Variants in PLEKHM3 observed in about 807,000 individuals in gnomAD.
PLEKHM3 encodes the protein pleckstrin homology domain-containing family M member 3.
A neutral mutation model predicts 81.8 loss-of-function variants in PLEKHM3; 45 were observed. The observed-to-expected ratio is 0.55, with a 90% CI of 0.43 to 0.71. The LOEUF (loss-of-function observed/expected upper bound fraction) is 0.71. PLEKHM3 is among the 30% of genes least tolerant of loss of function. The probability of loss-of-function intolerance (pLI) is 0.00; values close to 1 mark genes in which losing one functional copy is unlikely to be tolerated. For synonymous variants in PLEKHM3, 352 were observed against 356.4 expected (o/e 0.99, Z 0.14); for missense variants, 788 against 924.3 (o/e 0.85, Z 1.91).
chr2:207,930,703 G>A (rs1352159442), intron 5 of PLEKHM3, among the ~76,000 whole-genome samples: 1 of 152,090 alleles, frequency 6.6e-6, no homozygotes, highest in Non-Finnish European at 1.5e-5. Flanking sequence ...CTTCAGTAAC[G>A]GTGAATGTTA....
chr2:207,861,337 A>G (rs1487156298), intron 6 of PLEKHM3, 75 bp from the exon 7 acceptor site: 4 of 1,439,406 alleles, frequency 2.8e-6, no homozygotes, highest in Non-Finnish European at 3.8e-6. Context: ...AAAGGAAAGG[A>G]ATTCCTTTCC....
intron 1 of PLEKHM3, among the ~76,000 whole-genome samples, chr2:208,013,487 G>A (rs1035453444): frequency 3.3e-5 from 5 of 151,426 alleles, no homozygotes; most frequent in African/African-American, 4.9e-5. Flanking sequence ...CTGCACTCCC[G>A]CCTGGGCAAC....
chr2:207,986,310 G>A (rs1488214237), intron 2 of PLEKHM3, among the ~76,000 whole-genome samples: 1 of 152,192 alleles, frequency 6.6e-6, no homozygotes, highest in Non-Finnish European at 1.5e-5. Context: ...TAAGACTGCA[G>A]TATAACACTC....
At chr2:207,830,399 A>G (rs2092279173) in intron 7 of PLEKHM3, among the ~76,000 whole-genome samples, 1 of 152,018 alleles carries the variant, frequency 6.6e-6, no homozygotes. Context: ...GGATCACCCG[A>G]GGTCAGGAGA....
At chr2:207,861,287 G>A (rs755791889) in intron 6 of PLEKHM3, 25 bp from the exon 7 acceptor site, 21 of 1,611,218 alleles carry the variant, frequency 1.3e-5, no homozygotes, top group Non-Finnish European at 1.8e-5. Flanking sequence ...ATGGGACAGG[G>A]AAGCACATTT....
chr2:207,917,089 T>A (rs996372559), intron 5 of PLEKHM3, among the ~76,000 whole-genome samples: 7 of 152,232 alleles, frequency 4.6e-5, no homozygotes, highest in African/African-American at 1.7e-4. Flanking sequence ...ACCACACTTT[T>A]AGAAGTCATC....
chr2:207,923,880 C>CAT lies in PLEKHM3; in HGVS notation c.1886+7044_1886+7045dup, dbSNP rs1226187210. Among the ~76,000 whole-genome samples, 8 of 56,792 alleles carry CAT rather than the reference C, an allele frequency of 1.4e-4. No homozygotes were observed. The East Asian group carries it at 1.7e-3, about 12-fold the overall frequency. The allele number at this position is 56,792 out of a possible 152,430, so 37.3% of individuals were successfully genotyped here. A position where few individuals can be genotyped will look rare whatever the true frequency, so the allele number is the denominator to read the frequency against. On this transcript the variant is annotated intron_variant, in intron 5 of 7. Coordinates refer to ENST00000427836, the MANE Select transcript of PLEKHM3 (RefSeq NM_001080475.3). Reference sequence around the variant, plus strand: ...GCACACACACACACACACACACACACATATATATATATATATATATATATA... The same window carrying CAT: ...GCACACACACACACACACACACACACATATATATATATATATATATATATATA...
chr2:207,933,028 AT>A (rs1689642669), intron 4 of PLEKHM3, among the ~76,000 whole-genome samples: 1 of 152,030 alleles, frequency 6.6e-6, no homozygotes, highest in Non-Finnish European at 1.5e-5. Flanking sequence ...TAAACTTCTA[AT>A]TTTTTTCCTT....
intron 5 of PLEKHM3, among the ~76,000 whole-genome samples, chr2:207,923,742 G>C (rs1043895591): frequency 8.0e-5 from 12 of 150,408 alleles, no homozygotes; most frequent in Admixed American, 6.6e-4. Context: ...CAAAACTTTT[G>C]GACTATGTCA....
At chr2:208,023,180 T>C (rs899333023) in intron 1 of PLEKHM3, among the ~76,000 whole-genome samples, 3 of 151,964 alleles carry the variant, frequency 2.0e-5, no homozygotes, top group Admixed American at 1.3e-4. Context: ...GGTCTTGCTC[T>C]GTTGCCCAGG....
At chr2:207,996,630 T>C (rs972706879) in intron 2 of PLEKHM3, among the ~76,000 whole-genome samples, 4 of 152,158 alleles carry the variant, frequency 2.6e-5, no homozygotes, top group Admixed American at 1.3e-4. Flanking sequence ...TAAACTCTGG[T>C]GTGAATGACA....
chr2:207,930,781 G>C (rs2105939843), intron 5 of PLEKHM3, 145 bp downstream of exon 5: 2 of 851,670 alleles, frequency 2.3e-6, no homozygotes, highest in Middle Eastern at 3.7e-4. Flanking sequence ...TGAGCCCAGA[G>C]AGAGGCTGGC....
intron 1 of PLEKHM3, among the ~76,000 whole-genome samples, chr2:208,007,000 C>G (rs1692515615): frequency 6.6e-6 from 1 of 152,194 alleles, no homozygotes; most frequent in South Asian, 2.1e-4. Context: ...GAGACAGAAG[C>G]ACTTATGAGT....
At chr2:207,957,845 G>A (rs1690571208) in intron 3 of PLEKHM3, among the ~76,000 whole-genome samples, 1 of 152,220 alleles carries the variant, frequency 6.6e-6, no homozygotes, top group African/African-American at 2.4e-5. Flanking sequence ...GTAGCACAGC[G>A]ATTCTCAACC....
intron 1 of PLEKHM3, among the ~76,000 whole-genome samples, chr2:208,012,044 T>C (rs1203103360): frequency 6.6e-6 from 1 of 151,990 alleles, no homozygotes; most frequent in Non-Finnish European, 1.5e-5. Context: ...CTTTATTTTA[T>C]TTATTTATTG....
chr2:208,015,527 C>A (rs6712527), intron 1 of PLEKHM3, among the ~76,000 whole-genome samples: 8,567 of 152,076 alleles, frequency 0.056, 771 homozygotes, highest in African/African-American at 0.19. Flanking sequence ...AAGTTCTCTA[C>A]GGGAATGGTA....
intron 3 of PLEKHM3, among the ~76,000 whole-genome samples, chr2:207,963,639 A>C (rs1314354614): frequency 2.0e-5 from 3 of 152,148 alleles, no homozygotes; most frequent in African/African-American, 7.2e-5. Flanking sequence ...CAAGTATAAA[A>C]TAAAAATTAG....
chr2:208,001,855 T>C lies in PLEKHM3; in HGVS notation c.-216A>G, dbSNP rs1692317623. ...AGTGGCTAATGGGCATTAACAGATG[T>C]ATAGGGAGACCAAATGTTCCTTTGA... On this transcript the variant is annotated 5_prime_UTR_variant, in exon 2 of 8. The change creates a new upstream start codon in the 5' untranslated region. Transcript: ENST00000427836. 1.6e-6 allele frequency: 1 copy of C among 618,180 alleles called. No homozygotes were observed. 38.3% of individuals were successfully genotyped at this position (618,180 alleles called of 1,614,324 possible).
At chr2:207,910,265 T>C (rs868163017) in intron 5 of PLEKHM3, among the ~76,000 whole-genome samples, 2 of 152,152 alleles carry the variant, frequency 1.3e-5, no homozygotes, top group Non-Finnish European at 2.9e-5. Flanking sequence ...TAGGATTAGC[T>C]TCTCTACAGG....
Sources: allele counts gnomAD v4.1 joint callset (sites outside exome capture counted in the v4.1 genomes callset), GRCh38; gene constraint gnomAD v4.1.1; transcripts MANE v1.5; gene names NCBI Gene and HGNC (gene_info 2026-07-23, HGNC 2026-07-21).